The following SKA1 variants were observed in gnomAD, a reference collection of about 807,000 sequenced individuals.
SKA1 encodes the protein SKA complex subunit 1.
A neutral mutation model predicts 31.8 loss-of-function variants in SKA1; 20 were observed. The ratio of observed to expected loss-of-function variants is 0.63; its 90% confidence interval spans 0.44 to 0.91. The LOEUF (loss-of-function observed/expected upper bound fraction) is 0.91, where lower values mean the gene tolerates loss of function less well. Ranked by LOEUF, SKA1 falls within the 40% of genes least tolerant of loss-of-function variation. The pLI is 0.00. For synonymous variants in SKA1, 88 were observed against 100.5 expected, an observed-to-expected ratio of 0.88 and a Z score of 0.74; for missense variants, 253 against 298.2, an observed-to-expected ratio of 0.85 and a Z score of 1.12.
intron 1 of SKA1, among the ~76,000 whole-genome samples, chr18:50,375,462 A>G (rs1471951726): frequency 6.6e-6 from 1 of 152,190 alleles, no homozygotes; most frequent in Non-Finnish European, 1.5e-5. Flanking sequence ...TTTCTTTGAC[A>G]GTGTAACACA....
chr18:50,380,061 A>G (rs550378067), intron 2 of SKA1, 65 bp from the exon 3 acceptor site: 49 of 1,346,368 alleles, frequency 3.6e-5, no homozygotes, highest in African/African-American at 6.2e-5. Context: ...AAGAGTTCGC[A>G]TGAGTACTTA....
rs754883318 is a variant in SKA1, at chr18:50,380,184, A to T, written c.147A>T (p.Ile49=). Residue 49 remains isoleucine (I), a synonymous_variant, in exon 3 of 7, where the codon ATA becomes ATT. Coordinates refer to ENST00000285116, the MANE Select transcript of SKA1 (RefSeq NM_145060.4). ...LNKIGDEIIV[I]NELLNKLELE... is the part of the protein sequence containing the mutation. ...AAATAGGAGATGAGATCATTGTAAT[A>T]AATGAACTTCTAAATAAATTGGAAT... The T allele has an allele frequency of 3.2e-6, 5 of 1,560,782 alleles. No homozygotes were observed. The highest frequency in any genetic ancestry group is 4.3e-6 in the Non-Finnish European group (5 of 1,160,288).
chr18:50,384,923 G>A (rs932401619), intron 4 of SKA1, among the ~76,000 whole-genome samples: 15 of 142,236 alleles, frequency 1.1e-4, no homozygotes, highest in African/African-American at 3.9e-4. Flanking sequence ...CTATTAAGCC[G>A]TAAAGCTGTT....
At chr18:50,383,212 C>G (rs896356799) in intron 4 of SKA1, among the ~76,000 whole-genome samples, 5 of 152,148 alleles carry the variant, frequency 3.3e-5, no homozygotes, top group Admixed American at 2.0e-4. Context: ...GGTTGAAGGT[C>G]ATGAAGAGGT....
chr18:50,381,722 GGTTTT>G (rs1295132360), intron 3 of SKA1, among the ~76,000 whole-genome samples: 10 of 125,884 alleles, frequency 7.9e-5, no homozygotes, highest in Admixed American at 1.7e-4. Context: ...CAGTCAATGT[GGTTTT>G]TTTTTTTTTT....
intron 2 of SKA1, among the ~76,000 whole-genome samples, chr18:50,378,625 C>T (rs7236960): frequency 0.73 from 109,132 of 150,136 alleles, 39,708 homozygotes; most frequent in East Asian, 0.81. Context: ...CAGTGAGCTC[C>T]GATGGTGCCA....
chr18:50,392,028 C>A, intron 6 of SKA1, 71 bp from the exon 7 acceptor site: 2 of 1,213,728 alleles, frequency 1.6e-6, no homozygotes, highest in Non-Finnish European at 2.3e-6. Context: ...TTCATATTCA[C>A]AACTTAATGT....
chr18:50,383,345 TG>T (rs2041277596), intron 4 of SKA1, among the ~76,000 whole-genome samples: 1 of 152,236 alleles, frequency 6.6e-6, no homozygotes, highest in Non-Finnish European at 1.5e-5. Context: ...CCCACTTCTC[TG>T]ACTTGGCTGC....
rs2149324227 is a variant in SKA1, at chr18:50,392,115, G to A, written c.636G>A (p.Val212=). ...TKDTKGRYFI[V]EADIKEFTTL... is the part of the protein sequence containing the mutation. ...TATTTTTAGGTCGTTATTTTATAGTGGAAGCTGACATAAAGGAGTTCACAA... is the reference window on the plus strand; with the variant it reads ...TATTTTTAGGTCGTTATTTTATAGTAGAAGCTGACATAAAGGAGTTCACAA... Residue 212 remains valine (V), a synonymous_variant, in exon 7 of 7, where the codon GTG becomes GTA. Transcript: ENST00000285116. 3.2e-6 allele frequency: 5 copies of A among 1,584,756 alleles called. No individual in the cohort carries two copies. Among genetic ancestry groups the A allele is most frequent in the Non-Finnish European group, 4.3e-6 (5 of 1,171,774 alleles).
At position 50,380,234 on chromosome 18, in the gene SKA1, C is replaced by G; in HGVS notation, c.197C>G (p.Thr66Ser). 2 of 1,545,170 alleles carry G rather than the reference C, an allele frequency of 1.3e-6. No homozygotes were observed. Among genetic ancestry groups the G allele is most frequent in the Non-Finnish European group, 1.7e-6 (2 of 1,156,132 alleles). The change falls in exon 3 of 7, where the codon ACC becomes AGC. Residue 66 changes from threonine to serine, a missense_variant. Coordinates refer to ENST00000285116, the MANE Select transcript of SKA1 (RefSeq NM_145060.4). ...LELEIQYQEQ[T>S]NNSLKELCES... ...TTGGAAATTCAGTATCAAGAACAAA[C>G]CAACAATTCACTCAAGGTAATGTTT...
At chr18:50,388,280 C>T (rs925480278) in intron 5 of SKA1, among the ~76,000 whole-genome samples, 6 of 152,008 alleles carry the variant, frequency 3.9e-5, no homozygotes, top group Non-Finnish European at 5.9e-5. Flanking sequence ...TTAGTAGAGA[C>T]GGGGTTTCAC....
intron 5 of SKA1, among the ~76,000 whole-genome samples, chr18:50,390,888 G>A (rs973790404): frequency 2.0e-5 from 3 of 152,132 alleles, no homozygotes; most frequent in Admixed American, 6.5e-5. Context: ...TATAATATCA[G>A]TTCTCCATAG....
chr18:50,389,622 C>G (rs2041341519), intron 5 of SKA1, among the ~76,000 whole-genome samples: 1 of 152,060 alleles, frequency 6.6e-6, no homozygotes, highest in African/African-American at 2.4e-5. Context: ...GTCTCAAACT[C>G]CTGACCTCAA....
At position 50,375,859 on chromosome 18, in the gene SKA1, G is replaced by A. The variant is rs1448958159; in HGVS notation, c.29G>A (p.Cys10Tyr). ...GCCTCGTCAGATCTGGAACAATTAT[G>A]CTCTCATGTTAATGAAAAGATTGGC... MASSDLEQL[C>Y]SHVNEKIGNI... The change falls in exon 2 of 7, where the codon TGC (cysteine) becomes TAC (tyrosine). Residue 10 changes from cysteine (C) to tyrosine (Y), a missense_variant. Transcript: ENST00000285116. 3.7e-6 allele frequency: 6 copies of A among 1,611,266 alleles called. No homozygotes were observed. In the Admixed American group the frequency reaches 8.4e-5, roughly 23 times the overall value.
chr18:50,390,589 T>A (rs1314728566), intron 5 of SKA1, among the ~76,000 whole-genome samples: 1 of 152,212 alleles, frequency 6.6e-6, no homozygotes, highest in Admixed American at 6.5e-5. Flanking sequence ...TTCCAGTCAC[T>A]CACTCCTATA....
At chr18:50,382,351 T>C in intron 4 of SKA1, 125 bp downstream of exon 4, 1 of 540,500 alleles carries the variant, frequency 1.9e-6, no homozygotes, top group Non-Finnish European at 3.1e-6. Context: ...TTTTGTCACC[T>C]ATACTAAAAA....
In SKA1 at chr18:50,392,366, T is replaced by TTTTTTTGG. The variant is rs2041365068; in HGVS notation, c.*119_*120insTTTTTTGG. The TTTTTTTGG allele has an allele frequency of 1.6e-6, 1 of 612,812 alleles. No homozygotes were observed. The highest frequency in any genetic ancestry group is 1.9e-5 in the African/African-American group (1 of 52,096). The allele number at this position is 612,812 out of a possible 1,614,324, so 38.0% of individuals were successfully genotyped here. A position where few individuals can be genotyped will look rare whatever the true frequency, so the allele number is the denominator to read the frequency against. On this transcript the variant is annotated 3_prime_UTR_variant, in exon 7 of 7. Coordinates refer to ENST00000285116, the MANE Select transcript of SKA1 (RefSeq NM_145060.4). ...TTTTTTGTTTCCTTTTTTTTTTTTT[T>TTTTTTTGG]GAGACAGGATCTTGCTTTGTCACCC...
intron 2 of SKA1, among the ~76,000 whole-genome samples, chr18:50,376,177 T>A (rs1000159726): frequency 1.4e-4 from 22 of 152,204 alleles, no homozygotes; most frequent in African/African-American, 5.3e-4. Context: ...AATGGTGAGA[T>A]TTGAAGGTTA....
intron 3 of SKA1, among the ~76,000 whole-genome samples, chr18:50,380,511 C>T (rs1035186473): frequency 6.6e-6 from 1 of 152,148 alleles, no homozygotes; most frequent in Non-Finnish European, 1.5e-5. Context: ...TTAATTTAAA[C>T]AATGATGTTC....
Sources: allele counts gnomAD v4.1 joint callset (sites outside exome capture counted in the v4.1 genomes callset), GRCh38; gene constraint gnomAD v4.1.1; transcripts MANE v1.5; gene names NCBI Gene and HGNC (gene_info 2026-07-23, HGNC 2026-07-21).